RGS6: variants seen among roughly 807,000 people sequenced by gnomAD.
The protein encoded by RGS6 is regulator of G protein signaling 6, also known as regulator of G-protein signaling 6.
A neutral mutation model predicts 78.5 loss-of-function variants in RGS6; 30 were observed. The observed-to-expected ratio is 0.38, with a 90% confidence interval of 0.29 to 0.52. The LOEUF is 0.52. Among genes scored for constraint, RGS6 ranks in the 20% least tolerant of loss-of-function variants. RGS6 has a pLI of 0.85. For missense variants in RGS6, 495 were observed against 609.7 expected (o/e 0.81, Z 1.98); for synonymous variants, 206 against 206.0 (o/e 1.00, Z 0.00).
At chr14:71,897,890 T>A in the RGS6 span, among the ~76,000 whole-genome samples, 1 of 145,558 alleles carries the variant, frequency 6.9e-6, no homozygotes, top group South Asian at 2.2e-4. Context: ...CACTTAAACA[T>A]TTTTTTTTTT....
chr14:72,491,016 G>A (rs2096570930), intron 12 of RGS6, among the ~76,000 whole-genome samples: 1 of 152,182 alleles, frequency 6.6e-6, no homozygotes. Context: ...GCTGGTTTAT[G>A]GATCACACTT....
rs757615560 is a variant in RGS6, at chr14:72,478,268, A to G, written c.793A>G (p.Ile265Val). The G allele has an allele frequency of 4.3e-6, 7 of 1,611,746 alleles. No individual in the cohort carries two copies. The South Asian group carries it at 4.4e-5, about 10-fold the overall frequency. ...KTTKEDIRKQITFLNAQIDRH... is the reference protein window; with the variant it reads ...KTTKEDIRKQVTFLNAQIDRH... ...ACATCTGTGTTCTCTATTTTCCCAG[A>G]TAACATTTTTGAACGCACAGATCGA... Residue 265 changes from isoleucine (I) to valine (V), a missense_variant and splice_region_variant, in exon 12 of 18, where the codon ATA (isoleucine) becomes GTA (valine). Transcript: ENST00000553525.
chr14:72,606,606 T>C, the RGS6 span, among the ~76,000 whole-genome samples: 2 of 152,216 alleles, frequency 1.3e-5, no homozygotes, highest in African/African-American at 4.8e-5. Flanking sequence ...AGGAAGGCCG[T>C]TCTGCTCTGC....
At chr14:72,224,041 A>G (rs12147220) in intron 2 of RGS6, among the ~76,000 whole-genome samples, 10,302 of 152,320 alleles carry the variant, frequency 0.068, 515 homozygotes, top group East Asian at 0.32. Context: ...AAACCATTCA[A>G]CTTGCATTTA....
chr14:72,507,021 T>TAAAAAAAAAA (rs2096814415), intron 13 of RGS6, among the ~76,000 whole-genome samples: 1 of 59,134 alleles, frequency 1.7e-5, no homozygotes, highest in Non-Finnish European at 4.0e-5. Flanking sequence ...AAAAAAAAAT[T>TAAAAAAAAAA]AGCTGGCCAT....
chr14:72,314,732 G>A (rs900717778), intron 2 of RGS6, among the ~76,000 whole-genome samples: 1 of 152,162 alleles, frequency 6.6e-6, no homozygotes, highest in African/African-American at 2.4e-5. Flanking sequence ...TTCCTGCTGA[G>A]ACAAGCCAAC....
chr14:72,541,157 G>A (rs1231364200), intron 17 of RGS6: 1 of 1,375,124 alleles, frequency 7.3e-7, no homozygotes, highest in African/African-American at 1.4e-5. Context: ...CCAAAGGGTG[G>A]CAGCCCATTG....
intron 12 of RGS6, among the ~76,000 whole-genome samples, chr14:72,494,488 A>T (rs1171092266): frequency 6.6e-6 from 1 of 152,158 alleles, no homozygotes; most frequent in Admixed American, 6.5e-5. Flanking sequence ...AGGAAAAAAT[A>T]ATTGCTTTTG....
In RGS6 at chr14:72,229,445, T is replaced by C. The variant is rs561791398; in HGVS notation, c.85-122650T>C. On this transcript the variant is annotated intron_variant, in intron 2 of 17. Transcript: ENST00000553525. ...GACCCTCTAAAGCTAGGGCTTCCCA[T>C]TGTGGGCTGGTACTCCCTACATGTA... is the stretch of plus-strand genomic sequence containing the variant. Among the ~76,000 whole-genome samples the C allele has an allele frequency of 2.0e-5, 3 of 152,158 alleles. No individual in the cohort carries two copies. In the South Asian group the frequency reaches 6.2e-4, roughly 32 times the overall value.
At chr14:71,946,652 A>T (rs2091569487) in intron 1 of RGS6, among the ~76,000 whole-genome samples, 1 of 152,154 alleles carries the variant, frequency 6.6e-6, no homozygotes, top group Non-Finnish European at 1.5e-5. Context: ...TAAGTAGATG[A>T]ATTGGACTTT....
At chr14:71,881,404 T>A in the RGS6 span, among the ~76,000 whole-genome samples, 1 of 152,120 alleles carries the variant, frequency 6.6e-6, no homozygotes, top group Non-Finnish European at 1.5e-5. Flanking sequence ...TTTGGCTGTG[T>A]CCCCACCCAA....
At chr14:72,115,814 G>A (rs551702240) in intron 2 of RGS6, among the ~76,000 whole-genome samples, 79 of 152,314 alleles carry the variant, frequency 5.2e-4, no homozygotes, top group African/African-American at 1.7e-3. Context: ...TAGCTAGGTT[G>A]ACTTGCTATA....
chr14:72,057,317 A>G (rs988504729), intron 2 of RGS6, among the ~76,000 whole-genome samples: 1 of 86,750 alleles, frequency 1.2e-5, no homozygotes, highest in African/African-American at 4.2e-5. Context: ...CTATCTGAAA[A>G]AAAAAAAAAA....
chr14:72,023,075 C>T (rs376117725), intron 2 of RGS6, among the ~76,000 whole-genome samples: 9 of 152,240 alleles, frequency 5.9e-5, no homozygotes, highest in African/African-American at 1.9e-4. Flanking sequence ...TCATTCCTAA[C>T]ATCAGAGGAC....
chr14:72,595,378 G>A, the RGS6 span, among the ~76,000 whole-genome samples: 30 of 152,238 alleles, frequency 2.0e-4, no homozygotes, highest in Non-Finnish European at 4.3e-4. Context: ...AAGGTAAGAT[G>A]AACTGTCCAA....
intron 2 of RGS6, among the ~76,000 whole-genome samples, chr14:72,249,755 G>C (rs553101786): frequency 6.6e-6 from 1 of 152,052 alleles, no homozygotes; most frequent in Non-Finnish European, 1.5e-5. Context: ...GTGAGAAACT[G>C]TGAGAAAAAA....
At chr14:72,442,496 T>C (rs1036023764) in intron 3 of RGS6, among the ~76,000 whole-genome samples, 1 of 152,180 alleles carries the variant, frequency 6.6e-6, no homozygotes, top group Non-Finnish European at 1.5e-5. Flanking sequence ...AGTTCAATCA[T>C]AGCCCTTGTA....
At chr14:72,373,644 G>A (rs941643506) in intron 3 of RGS6, among the ~76,000 whole-genome samples, 2 of 152,140 alleles carry the variant, frequency 1.3e-5, no homozygotes, top group Admixed American at 6.5e-5. Flanking sequence ...AGGGGGAGAA[G>A]GCTTTAGAGA....
intron 2 of RGS6, among the ~76,000 whole-genome samples, chr14:72,157,262 C>G (rs1567335372): frequency 6.6e-6 from 1 of 152,180 alleles, no homozygotes; most frequent in Non-Finnish European, 1.5e-5. Context: ...TCAAAGTGGA[C>G]TCCTAGGAAC....
Sources: gnomAD v4.1 joint callset for allele counts (sites outside exome capture counted in the v4.1 genomes callset) on GRCh38, gnomAD v4.1.1 for gene constraint, MANE v1.5 for transcripts, NCBI Gene and HGNC (gene_info 2026-07-23, HGNC 2026-07-21) for gene names.